LYRM7: variants seen among roughly 807,000 people sequenced by gnomAD.
LYRM7 encodes complex III assembly factor LYRM7.
LYRM7 carries 9 observed loss-of-function variants against 15.8 expected under a neutral mutation model. The ratio of observed to expected loss-of-function variants is 0.57; its 90% CI spans 0.34 to 0.99. LYRM7 has a LOEUF of 0.99. LYRM7 is among the 50% of genes least tolerant of loss of function. LYRM7 has a pLI of 0.02. For synonymous variants in LYRM7, 39 were observed against 39.4 expected, an observed-to-expected ratio of 0.99 and a Z score of 0.04; for missense variants, 115 against 119.1, an observed-to-expected ratio of 0.97 and a Z score of 0.16.
intron 4 of LYRM7, among the ~76,000 whole-genome samples, chr5:131,188,257 A>T (rs939027671): frequency 7.2e-5 from 11 of 152,056 alleles, no homozygotes; most frequent in African/African-American, 2.7e-4. Context: ...ACCCTGCCTC[A>T]AAAAATATAT....
chr5:131,180,292 T>C, intron 2 of LYRM7, 125 bp downstream of exon 2: 1 of 567,152 alleles, frequency 1.8e-6, no homozygotes, highest in Middle Eastern at 3.3e-4. Flanking sequence ...CTCTGATATC[T>C]TTTATAAAGA....
At position 131,182,277 on chromosome 5, in the gene LYRM7, C is replaced by A; in HGVS notation, c.140C>A (p.Thr47Asn). Residue 47 changes from threonine to asparagine, a missense_variant, in exon 3 of 5, where the codon ACT (threonine) becomes AAT (asparagine). Coordinates refer to ENST00000379380, the MANE Select transcript of LYRM7 (RefSeq NM_181705.4). Reference protein sequence around the residue: ...NEEFKNNKSETSSKKIEELMK... With the variant: ...NEEFKNNKSENSSKKIEELMK... The stretch of plus-strand genomic sequence containing the variant: ...GAATTCAAAAATAATAAAAGTGAAA[C>A]TTCTTCTAAGAAAATAGAAGAGGTA... The A allele has an allele frequency of 1.4e-6, 2 of 1,424,738 alleles. No individual in the cohort carries two copies. Among genetic ancestry groups the A allele is most frequent in the Non-Finnish European group, 1.9e-6 (2 of 1,051,650 alleles). 88.3% of individuals were successfully genotyped at this position (1,424,738 alleles called of 1,614,324 possible). A position where few individuals can be genotyped will look rare whatever the true frequency, so the allele number is the denominator to read the frequency against.
chr5:131,173,635 G>A (rs1294918015), intron 1 of LYRM7, among the ~76,000 whole-genome samples: 1 of 152,028 alleles, frequency 6.6e-6, no homozygotes, highest in African/African-American at 2.4e-5. Context: ...TCCCAGCTAC[G>A]CTACTCAGGA....
At chr5:131,192,054 C>T (rs868777249) in intron 4 of LYRM7, among the ~76,000 whole-genome samples, 122 of 149,750 alleles carry the variant, frequency 8.1e-4, no homozygotes, top group African/African-American at 2.4e-3. Flanking sequence ...CACACACACA[C>T]ACACACACAC....
At chr5:131,187,180 G>GCTA (rs1205380422) in intron 4 of LYRM7, 71 bp downstream of exon 4, 1 of 820,122 alleles carries the variant, frequency 1.2e-6, no homozygotes, top group Non-Finnish European at 2.0e-6. Context: ...TATAGCACAT[G>GCTA]TAATGCTGAG....
At position 131,170,949 on chromosome 5, in the gene LYRM7, A is replaced by C; in HGVS notation, c.-72A>C. ...GACTACAGGGGGCTGGAAACAGTTCAGTCTTTGATTGGTTGCTGAGAGGCG... is the reference window on the plus strand; with the variant it reads ...GACTACAGGGGGCTGGAAACAGTTCCGTCTTTGATTGGTTGCTGAGAGGCG... On this transcript the variant is annotated 5_prime_UTR_variant, in exon 1 of 5. Transcript: ENST00000379380. 4 of 1,506,958 alleles carry C rather than the reference A, an allele frequency of 2.7e-6. No homozygotes were observed. Among genetic ancestry groups the C allele is most frequent in the Non-Finnish European group, 3.5e-6 (4 of 1,129,312 alleles). 93.3% of individuals were successfully genotyped at this position (1,506,958 alleles called of 1,614,324 possible).
chr5:131,197,667 G>C (rs1352570956), intron 4 of LYRM7, among the ~76,000 whole-genome samples: 3 of 146,878 alleles, frequency 2.0e-5, no homozygotes, highest in Non-Finnish European at 4.5e-5. Flanking sequence ...TCAGCCTCTT[G>C]AGTAGCTAGG....
At chr5:131,198,477 C>T (rs1307978850) in intron 4 of LYRM7, among the ~76,000 whole-genome samples, 1 of 152,050 alleles carries the variant, frequency 6.6e-6, no homozygotes, top group Non-Finnish European at 1.5e-5. Flanking sequence ...TGTAGAAGGT[C>T]GTGCAAGCAT....
intron 1 of LYRM7, among the ~76,000 whole-genome samples, chr5:131,175,468 G>A (rs1169758283): frequency 6.6e-6 from 1 of 152,060 alleles, no homozygotes; most frequent in Non-Finnish European, 1.5e-5. Context: ...CAAAGTGCTA[G>A]GATTACAGGC....
Position 131,180,148 on chromosome 5 carries a change from T to C in LYRM7, c.72T>C (p.Asn24=). Reference sequence around the variant, plus strand: ...GGACCAGACAACAAGTTTTTAAAAATGATGCCAGAGCATTAGAAGGTAAGT... The same window carrying C: ...GGACCAGACAACAAGTTTTTAAAAACGATGCCAGAGCATTAGAAGGTAAGT... ...LHRTRQQVFK[N]DARALEAARI... Residue 24 remains asparagine (N), a synonymous_variant, in exon 2 of 5, where the codon AAT becomes AAC. Transcript: ENST00000379380. 6.2e-7 allele frequency: 1 copy of C among 1,611,808 alleles called. No homozygotes were observed. Among genetic ancestry groups the C allele is most frequent in the South Asian group, 1.1e-5 (1 of 90,986 alleles).
At chr5:131,172,306 G>A (rs928022504) in intron 1 of LYRM7, among the ~76,000 whole-genome samples, 4 of 152,182 alleles carry the variant, frequency 2.6e-5, no homozygotes, top group Admixed American at 2.0e-4. Context: ...CCCGCTACTC[G>A]GGAGGCTGAG....
intron 1 of LYRM7, among the ~76,000 whole-genome samples, chr5:131,175,625 C>T (rs1313561116): frequency 1.3e-5 from 2 of 152,050 alleles, no homozygotes; most frequent in Non-Finnish European, 2.9e-5. Context: ...ACCTCTGCCT[C>T]CCAAGCTCAA....
chr5:131,181,408 T>C (rs1203276053), intron 2 of LYRM7, among the ~76,000 whole-genome samples: 3 of 111,364 alleles, frequency 2.7e-5, no homozygotes, highest in Admixed American at 1.1e-4. Flanking sequence ...TATATATACA[T>C]ATATATGTTT....
intron 3 of LYRM7, among the ~76,000 whole-genome samples, chr5:131,185,194 C>G (rs1312196401): frequency 6.6e-6 from 1 of 152,106 alleles, no homozygotes; most frequent in Non-Finnish European, 1.5e-5. Flanking sequence ...TCTCAGCACT[C>G]TACTACTCAC....
intron 1 of LYRM7, among the ~76,000 whole-genome samples, chr5:131,173,495 C>T (rs1755554170): frequency 6.6e-6 from 1 of 152,182 alleles, no homozygotes; most frequent in African/African-American, 2.4e-5. Context: ...CCTGTAATCC[C>T]AGCACTTTGG....
In LYRM7 at chr5:131,204,760, G is replaced by A. The variant is rs1320541737; in HGVS notation, c.*5159G>A. Reference sequence around the variant, plus strand: ...TGTTCATTTGTGTGTGTGTGTGTGTGTAAGCAGGTGTTGCTAGAAATTCAC... The same window carrying A: ...TGTTCATTTGTGTGTGTGTGTGTGTATAAGCAGGTGTTGCTAGAAATTCAC... On this transcript the variant is annotated 3_prime_UTR_variant, in exon 5 of 5. Transcript: ENST00000379380. The A allele has an allele frequency of 1.3e-5, 2 of 151,326 alleles. No homozygotes were observed. Among genetic ancestry groups the A allele is most frequent in the Non-Finnish European group, 2.9e-5 (2 of 67,924 alleles). The allele number at this position is 151,326 out of a possible 1,614,324, so 9.4% of individuals were successfully genotyped here.
intron 4 of LYRM7, among the ~76,000 whole-genome samples, chr5:131,197,751 C>T (rs985159206): frequency 3.3e-5 from 5 of 151,538 alleles, no homozygotes; most frequent in African/African-American, 9.7e-5. Context: ...CGCTGTGTTT[C>T]CCAAGCTGGT....
rs1352313379 is a variant in LYRM7, at chr5:131,205,404, A to T, written c.*5803A>T. 1 of 152,218 alleles carries T rather than the reference A, an allele frequency of 6.6e-6. No homozygotes were observed. The highest frequency in any genetic ancestry group is 1.9e-4 in the East Asian group (1 of 5,202). The allele number at this position is 152,218 out of a possible 1,614,324, so 9.4% of individuals were successfully genotyped here. On this transcript the variant is annotated 3_prime_UTR_variant, in exon 5 of 5. Coordinates refer to ENST00000379380, the MANE Select transcript of LYRM7 (RefSeq NM_181705.4). ...AAGTTTTATTCCATTGTAAGAATAA[A>T]CAAGTTTGTTCATTCATGTCTCCAT...
At chr5:131,196,384 T>C (rs1302166905) in intron 4 of LYRM7, among the ~76,000 whole-genome samples, 1 of 152,154 alleles carries the variant, frequency 6.6e-6, no homozygotes, top group Non-Finnish European at 1.5e-5. Flanking sequence ...AAAAAAAAGT[T>C]ATTTTCCAGA....
Sources: gnomAD v4.1 joint callset for allele counts (sites outside exome capture counted in the v4.1 genomes callset) on GRCh38, gnomAD v4.1.1 for gene constraint, MANE v1.5 for transcripts, NCBI Gene and HGNC (gene_info 2026-07-23, HGNC 2026-07-21) for gene names.